The following DVL1 variants were observed in gnomAD, a reference collection of about 807,000 sequenced individuals.
DVL1 encodes dishevelled segment polarity protein 1.
In DVL1, 49 loss-of-function variants were observed where a neutral mutation model predicts 65.0. That is an observed-to-expected ratio of 0.75 (90% confidence interval 0.60 to 0.96). DVL1 has a LOEUF of 0.96. Among genes scored for constraint, DVL1 ranks in the 40% least tolerant of loss-of-function variants. The probability of loss-of-function intolerance (pLI) is 0.00; values close to 1 mark genes in which losing one functional copy is unlikely to be tolerated. For synonymous variants in DVL1, 608 were observed against 433.9 expected (o/e 1.40, Z -4.99); for missense variants, 1,197 against 1,045.4 (o/e 1.15, Z -2.00).
In DVL1 at chr1:1,339,607, G is replaced by A. The variant is rs1289258970; in HGVS notation, c.1029C>T (p.Pro343=). 2 of 1,607,616 alleles carry A rather than the reference G, an allele frequency of 1.2e-6. No homozygotes were observed. Among genetic ancestry groups the A allele is most frequent in the South Asian group, 1.1e-5 (1 of 90,776 alleles). Residue 343 remains proline, a synonymous_variant, in exon 10 of 15, where the codon CCC becomes CCT. Transcript: ENST00000378888. The part of the protein sequence containing the change: ...LTVAKCWDPT[P]RSYFTVPRAD... ...CCCGTGGGACGGTGAAGTAGCTTCG[G>A]GGCGTTGGGTCCCAGCACTTGGCCA...
At chr1:1,337,680 T>G in intron 14 of DVL1, 50 of 563,360 alleles carry the variant, frequency 8.9e-5, no homozygotes, top group Middle Eastern at 8.2e-4. Context: ...CCCACCCAGA[T>G]GAGGTGGGGT....
At chr1:1,340,829 ACCTGCACACACG>A (rs1643779869) in intron 5 of DVL1, among the ~76,000 whole-genome samples, 1 of 135,258 alleles carries the variant, frequency 7.4e-6, no homozygotes, top group Non-Finnish European at 1.5e-5. Flanking sequence ...CTGCACACAC[ACCTGCACACACG>A]CAACCCTGCA....
Position 1,341,784 on chromosome 1 carries a change from G to C in DVL1, c.488C>G (p.Pro163Arg). 1 of 1,598,038 alleles carries C rather than the reference G, an allele frequency of 6.3e-7. No homozygotes were observed. Among genetic ancestry groups the C allele is most frequent in the Non-Finnish European group, 8.5e-7 (1 of 1,171,064 alleles). Residue 163 changes from proline to arginine, a missense_variant, in exon 5 of 15, where the codon CCA (proline) becomes CGA (arginine). Transcript: ENST00000378888. ...REEAARTNGHPRGDRRRDVGL... is the reference protein window; with the variant it reads ...REEAARTNGHRRGDRRRDVGL... Reference sequence around the variant, plus strand: ...CACATCCCGCCGTCGGTCTCCCCTTGGGTGCCCATTGGTCCGGGCGGCTGT... The same window carrying C: ...CACATCCCGCCGTCGGTCTCCCCTTCGGTGCCCATTGGTCCGGGCGGCTGT...
At chr1:1,337,809 G>A (rs898721002) in intron 14 of DVL1, 168 bp downstream of exon 14, 5 of 721,480 alleles carry the variant, frequency 6.9e-6, no homozygotes, top group Non-Finnish European at 1.2e-5. Context: ...CACAGCAGGA[G>A]CATGGGATTG....
At chr1:1,340,214 C>CCCCTGCCCCCTG in intron 7 of DVL1, 33 bp downstream of exon 7, 1 of 1,613,822 alleles carries the variant, frequency 6.2e-7, no homozygotes, top group Non-Finnish European at 8.5e-7. Context: ...CAAGCCCCTG[C>CCCCTGCCCCCTG]CCCTGCCCCC....
intron 13 of DVL1, 40 bp downstream of exon 13, chr1:1,338,229 T>TGGG (rs1643655250): frequency 1.9e-4 from 283 of 1,520,844 alleles, no homozygotes; most frequent in Non-Finnish European, 2.4e-4. Context: ...CCTCCGGCGT[T>TGGG]CCCCTCCCCC....
rs1374653581 is a variant in DVL1, at chr1:1,336,185, T to C, written c.2045A>G (p.Lys682Arg). 3 of 1,572,804 alleles carry C rather than the reference T, an allele frequency of 1.9e-6. No homozygotes were observed. The East Asian group carries it at 6.9e-5, about 36-fold the overall frequency. The change falls in exon 15 of 15, where the codon AAG becomes AGG. Residue 682 changes from lysine to arginine, a missense_variant. Lys to Arg is a conservative substitution (Grantham distance 26, BLOSUM62 2). Transcript: ENST00000378888. Reference sequence around the variant, plus strand: ...GAACTCGCAGGGGTTCCCCATAGCCTTCTGGAAGGACTGGCGGCTGCCTGT... The same window carrying C: ...GAACTCGCAGGGGTTCCCCATAGCCCTCTGGAAGGACTGGCGGCTGCCTGT... ...ELTGSRQSFQ[K>R]AMGNPCEFFV...
Position 1,349,157 on chromosome 1 carries a change from G to C in DVL1, c.-92C>G, listed in dbSNP as rs1215493109. 1 of 768,822 alleles carries C rather than the reference G, an allele frequency of 1.3e-6. No individual in the cohort carries two copies. Among genetic ancestry groups the C allele is most frequent in the Non-Finnish European group, 1.6e-6 (1 of 638,804 alleles). 47.6% of individuals were successfully genotyped at this position (768,822 alleles called of 1,614,324 possible). A position where few individuals can be genotyped will look rare whatever the true frequency, so the allele number is the denominator to read the frequency against. On this transcript the variant is annotated 5_prime_UTR_variant, in exon 1 of 15. Transcript: ENST00000378888. This position sits in a 1 kb window ranked among gnomAD's most constrained non-coding sequence, Gnocchi z 4.1. ...CCGCCCGCCCGCCTGCGCCCCGCCC[G>C]GCCCGCACCGCTCTCGGCCCCGACG...
At chr1:1,339,925 A>G in intron 8 of DVL1, 113 bp from the exon 9 acceptor site, 1 of 1,490,260 alleles carries the variant, frequency 6.7e-7, no homozygotes, top group Non-Finnish European at 8.9e-7. Flanking sequence ...ACCCACCCGC[A>G]GCCGCATGTC....
intron 1 of DVL1, among the ~76,000 whole-genome samples, chr1:1,343,054 G>A (rs928923146): frequency 4.6e-5 from 7 of 152,038 alleles, no homozygotes; most frequent in African/African-American, 1.7e-4. Flanking sequence ...TGGGGACAGT[G>A]GCTGTGGACA....
chr1:1,339,959 C>T, intron 8 of DVL1, 79 bp downstream of exon 8: 3 of 1,568,556 alleles, frequency 1.9e-6, no homozygotes, highest in Non-Finnish European at 2.6e-6. Context: ...TACAGACCCA[C>T]CCGCAGCCGC....
rs776763302 is a variant in DVL1 at position 1,340,411 on chromosome 1, C to T, written c.698G>A (p.Arg233Gln). 5.0e-6 allele frequency: 8 copies of T among 1,609,534 alleles called. No homozygotes were observed. The highest frequency in any genetic ancestry group is 1.3e-5 in the African/African-American group (1 of 74,904). The change falls in exon 6 of 15, where the codon CGG (arginine) becomes CAG (glutamine). Residue 233 changes from arginine (R) to glutamine (Q), a missense_variant and splice_region_variant. Arg to Gln is a conservative substitution (Grantham distance 43). Coordinates refer to ENST00000378888, the MANE Select transcript of DVL1 (RefSeq NM_001330311.2). ...RRKQRLRQAD[R>Q]ASSFSSITDS... The stretch of plus-strand genomic sequence containing the variant: ...GCCCTGCTCCACCCGGCTGCCTACC[C>T]GGTCCGCCTGCCGAAGGCGCTGCTT...
chr1:1,341,717 C>T lies in DVL1; in HGVS notation c.555G>A (p.Glu185=). 2.5e-6 allele frequency: 4 copies of T among 1,611,670 alleles called. No individual in the cohort carries two copies. The highest frequency in any genetic ancestry group is 3.4e-6 in the Non-Finnish European group (4 of 1,179,046). ...AGTCCACAAAGCTGCTGGACTCAAG[C>T]TCGCTGCTGAGGGCGGTGGACGCGC... ...PDSASTALSS[E]LESSSFVDSD... is the part of the protein sequence containing the mutation. Residue 185 remains glutamate, a synonymous_variant, in exon 5 of 15, where the codon GAG becomes GAA. Transcript: ENST00000378888.
intron 1 of DVL1, among the ~76,000 whole-genome samples, chr1:1,347,199 G>A (rs1249675147): frequency 6.6e-6 from 1 of 151,810 alleles, no homozygotes; most frequent in Non-Finnish European, 1.5e-5. Flanking sequence ...GCCCAGCCCA[G>A]CCCAGCCCTG....
In DVL1 at chr1:1,338,414, C is replaced by T. The variant is rs1176790659; in HGVS notation, c.1362G>A (p.Leu454=). The change falls in exon 13 of 15, where the codon CTG becomes CTA. Residue 454 remains leucine (L), a synonymous_variant. Coordinates refer to ENST00000378888, the MANE Select transcript of DVL1 (RefSeq NM_001330311.2). ...CCTTGAAGCCCTCCACGTGTGTGTACAGCCAGTCCACCACGTCCGCCCCTG... is the reference window on the plus strand; with the variant it reads ...CCTTGAAGCCCTCCACGTGTGTGTATAGCCAGTCCACCACGTCCGCCCCTG... The part of the protein sequence containing the change: ...AVIGADVVDW[L]YTHVEGFKER... 2 of 1,612,076 alleles carry T rather than the reference C, an allele frequency of 1.2e-6. No homozygotes were observed. Among genetic ancestry groups the T allele is most frequent in the Non-Finnish European group, 8.5e-7 (1 of 1,179,470 alleles).
rs1375565508 is a variant in DVL1, at chr1:1,342,378, C to G, written c.347G>C (p.Arg116Pro). 1 of 1,581,150 alleles carries G rather than the reference C, an allele frequency of 6.3e-7. No homozygotes were observed. Reference sequence around the variant, plus strand: ...GTGTCCTTACTGGAAGGAGGGGGGCCGGGAGTCCCCGATGCCGCCTGTCCG... The same window carrying G: ...GTGTCCTTACTGGAAGGAGGGGGGCGGGGAGTCCCCGATGCCGCCTGTCCG... Reference protein sequence around the residue: ...LERTGGIGDSRPPSFHPNVAS... With the variant: ...LERTGGIGDSPPPSFHPNVAS... The change falls in exon 3 of 15, where the codon CGG becomes CCG. Residue 116 changes from arginine to proline, a missense_variant. Physicochemically the swap from Arg to Pro is moderately radical, Grantham distance 103 (BLOSUM62 -2). Coordinates refer to ENST00000378888, the MANE Select transcript of DVL1 (RefSeq NM_001330311.2).
At chr1:1,341,188 T>TCTGCACACGCACAC (rs1643808951) in intron 5 of DVL1, among the ~76,000 whole-genome samples, 1 of 117,060 alleles carries the variant, frequency 8.5e-6, no homozygotes, top group African/African-American at 3.4e-5. Flanking sequence ...CACACGCACA[T>TCTGCACACGCACAC]CTGCACACGC....
chr1:1,340,840 CGCAACCCTGCACACAT>C (rs1258746824), intron 5 of DVL1, among the ~76,000 whole-genome samples: 3 of 144,114 alleles, frequency 2.1e-5, no homozygotes, highest in African/African-American at 8.4e-5. Flanking sequence ...CCTGCACACA[CGCAACCCTGCACACAT>C]GCACCCCTGC....
intron 1 of DVL1, among the ~76,000 whole-genome samples, chr1:1,346,737 TGCAGCGGGGGCTG>T (rs1643919134): frequency 6.6e-6 from 1 of 152,210 alleles, no homozygotes; most frequent in Non-Finnish European, 1.5e-5. Context: ...GGGCTGAGAA[TGCAGCGGGGGCTG>T]GCGCAGGAAC....
Sources: gnomAD v4.1 joint callset for allele counts (sites outside exome capture counted in the v4.1 genomes callset) on GRCh38, gnomAD v4.1.1 for gene constraint, Gnocchi (gnomAD v3.1) non-coding constraint, MANE v1.5 for transcripts, NCBI Gene and HGNC (gene_info 2026-07-23, HGNC 2026-07-21) for gene names.